ATR: variants seen among roughly 807,000 people sequenced by gnomAD.
ATR encodes the protein ATR checkpoint kinase.
ATR carries 142 observed loss-of-function variants against 305.3 expected under a neutral mutation model. That is an observed-to-expected ratio of 0.47 (90% CI 0.41 to 0.53). The LOEUF is 0.53. Among genes scored for constraint, ATR ranks in the 20% least tolerant of loss-of-function variants. ATR has a pLI of 0.00. For synonymous variants in ATR, 1,050 were observed against 1,068.1 expected (o/e 0.98, Z 0.33); for missense variants, 2,135 against 3,133.1 (o/e 0.68, Z 7.60).
In ATR at chr3:142,542,645, C is replaced by G. The variant is rs745935671; in HGVS notation, c.3450+20G>C. On this transcript the variant is annotated intron_variant, in intron 17 of 46. Coordinates refer to ENST00000350721, the MANE Select transcript of ATR (RefSeq NM_001184.4). ...TCTGTATGAATTCTATCTTAGCACTCTGGAACTATCACCACTTACCATTTT... is the reference window on the plus strand; with the variant it reads ...TCTGTATGAATTCTATCTTAGCACTGTGGAACTATCACCACTTACCATTTT... 1 of 1,584,982 alleles carries G rather than the reference C, an allele frequency of 6.3e-7. No homozygotes were observed. Among genetic ancestry groups the G allele is most frequent in the South Asian group, 1.1e-5 (1 of 90,290 alleles).
At chr3:142,504,556 G>A (rs541490729) in intron 29 of ATR, among the ~76,000 whole-genome samples, 15 of 151,460 alleles carry the variant, frequency 9.9e-5, no homozygotes, top group East Asian at 5.9e-4. Flanking sequence ...TCCACCTCCC[G>A]GGTTCAAGCA....
chr3:142,499,994 G>A (rs2031871154), intron 30 of ATR: 1 of 294,542 alleles, frequency 3.4e-6, no homozygotes, highest in Non-Finnish European at 6.4e-6. Context: ...TTAGAGCAGA[G>A]TTAATTCCTG....
chr3:142,453,893 A>C (rs1182927620), intron 45 of ATR, among the ~76,000 whole-genome samples: 7 of 152,208 alleles, frequency 4.6e-5, no homozygotes, highest in Non-Finnish European at 1.0e-4. Flanking sequence ...CCAGTACACC[A>C]TCATCCTTTC....
intron 16 of ATR, among the ~76,000 whole-genome samples, chr3:142,543,835 AATTTTTTGT>A (rs1199680727): frequency 1.3e-5 from 2 of 151,756 alleles, no homozygotes; most frequent in East Asian, 3.9e-4. Flanking sequence ...TCGCCCAGCT[AATTTTTTGT>A]ATTTTTTGTA....
intron 23 of ATR, 90 bp from the exon 24 acceptor site, chr3:142,519,874 A>G: frequency 1.0e-6 from 1 of 971,116 alleles, no homozygotes; most frequent in South Asian, 1.3e-5. Context: ...AGTTATAAAA[A>G]TACAGCCATA....
chr3:142,543,483 C>T (rs955843960), intron 16 of ATR, among the ~76,000 whole-genome samples: 4 of 131,068 alleles, frequency 3.1e-5, no homozygotes, highest in African/African-American at 8.0e-5. Flanking sequence ...CCTTCCATTC[C>T]TCCCTCCTTT....
intron 15 of ATR, 97 bp downstream of exon 15, chr3:142,549,382 C>G: frequency 2.5e-6 from 2 of 793,464 alleles, no homozygotes; most frequent in Non-Finnish European, 3.8e-6. Context: ...CTAGGATAGG[C>G]TATAATTTAC....
intron 18 of ATR, among the ~76,000 whole-genome samples, chr3:142,539,367 A>T (rs2033971545): frequency 6.6e-6 from 1 of 152,164 alleles, no homozygotes; most frequent in African/African-American, 2.4e-5. Flanking sequence ...AGAATCTATA[A>T]GAGATTAATA....
chr3:142,555,607 C>A (rs1052306474), intron 10 of ATR, among the ~76,000 whole-genome samples: 2 of 152,152 alleles, frequency 1.3e-5, no homozygotes, highest in African/African-American at 4.8e-5. Context: ...AATATTGAAT[C>A]TTACAATATT....
chr3:142,504,381 A>C (rs1008512122), intron 29 of ATR, among the ~76,000 whole-genome samples: 1 of 152,220 alleles, frequency 6.6e-6, no homozygotes, highest in Non-Finnish European at 1.5e-5. Flanking sequence ...TTATTAAATG[A>C]ACATTTTAAT....
At chr3:142,576,979 A>G (rs1043439225) in intron 1 of ATR, among the ~76,000 whole-genome samples, 1 of 152,224 alleles carries the variant, frequency 6.6e-6, no homozygotes, top group Non-Finnish European at 1.5e-5. Flanking sequence ...GAAAGCTTGA[A>G]TCTGAAACCT....
At chr3:142,571,830 G>A (rs550398006) in intron 1 of ATR, among the ~76,000 whole-genome samples, 29 of 151,738 alleles carry the variant, frequency 1.9e-4, no homozygotes, top group African/African-American at 6.8e-4. Context: ...TTAGTGGCAC[G>A]ATCTTGGCTC....
At chr3:142,450,929 C>G in intron 46 of ATR, 1 of 1,220,772 alleles carries the variant, frequency 8.2e-7, no homozygotes, top group Non-Finnish European at 1.0e-6. Flanking sequence ...ATTATCTTCG[C>G]GGAGCTCACC....
intron 6 of ATR, among the ~76,000 whole-genome samples, chr3:142,559,777 T>C (rs1168969393): frequency 6.6e-6 from 1 of 152,162 alleles, no homozygotes; most frequent in Non-Finnish European, 1.5e-5. Context: ...TGGCGGCACA[T>C]GCCTATAGTT....
At chr3:142,519,582 G>C (rs549212432) in intron 24 of ATR, 87 bp downstream of exon 24, 5 of 1,074,468 alleles carry the variant, frequency 4.7e-6, no homozygotes, top group Non-Finnish European at 7.0e-6. Context: ...TTACAGGCGT[G>C]AGCCACTGCA....
intron 27 of ATR, 61 bp from the exon 28 acceptor site, chr3:142,508,170 T>C: frequency 4.5e-6 from 6 of 1,345,506 alleles, no homozygotes; most frequent in Non-Finnish European, 6.2e-6. Flanking sequence ...AAAGTGTCAA[T>C]TTAAGTATTT....
intron 45 of ATR, among the ~76,000 whole-genome samples, chr3:142,454,666 C>T (rs1010200252): frequency 6.6e-6 from 1 of 151,994 alleles, no homozygotes; most frequent in Non-Finnish European, 1.5e-5. Context: ...TGGTCTTGAT[C>T]TCCTGACCTC....
chr3:142,461,989 G>A lies in ATR; in HGVS notation c.7143C>T (p.Asn2381=), dbSNP rs761609210. ...GAATAGGTCTCAAACCAGCAGTGTT[G>A]TTCACCCATTCAATAATCCCACATT... The part of the protein sequence containing the change: ...NDECGIIEWV[N]NTAGLRPILT... The change falls in exon 42 of 47, where the codon AAC becomes AAT. Residue 2381 remains asparagine, a synonymous_variant. Coordinates refer to ENST00000350721, the MANE Select transcript of ATR (RefSeq NM_001184.4). The A allele has an allele frequency of 6.2e-7, 1 of 1,613,564 alleles. No homozygotes were observed. The highest frequency in any genetic ancestry group is 1.1e-5 in the South Asian group (1 of 91,068).
At chr3:142,527,985 G>A (rs1359063962) in intron 21 of ATR, among the ~76,000 whole-genome samples, 1 of 152,118 alleles carries the variant, frequency 6.6e-6, no homozygotes, top group Non-Finnish European at 1.5e-5. Context: ...ACCACCAGAA[G>A]CTCTCAAAAG....
Sources: allele counts gnomAD v4.1 joint callset (sites outside exome capture counted in the v4.1 genomes callset), GRCh38; gene constraint gnomAD v4.1.1; transcripts MANE v1.5; gene names NCBI Gene and HGNC (gene_info 2026-07-23, HGNC 2026-07-21).